The following ANKRD53 variants were observed in gnomAD, a reference collection of about 807,000 sequenced individuals.
The protein encoded by ANKRD53 is ankyrin repeat domain-containing protein 53.
A neutral mutation model predicts 30.1 loss-of-function variants in ANKRD53; 27 were observed. The observed-to-expected ratio is 0.90, with a 90% CI of 0.66 to 1.24. ANKRD53 has a LOEUF of 1.24. Ranked by LOEUF, ANKRD53 falls within the 50% of genes most tolerant of loss-of-function variation. The pLI, the probability that ANKRD53 is intolerant of heterozygous loss-of-function variation, is 0.00. For synonymous variants in ANKRD53, 286 were observed against 295.4 expected (o/e 0.97, Z 0.33); for missense variants, 682 against 721.0 (o/e 0.95, Z 0.62).
Position 70,979,154 on chromosome 2 carries a change from G to T in ANKRD53, c.228G>T (p.Arg76Ser), listed in dbSNP as rs1366247408. 115 of 1,610,234 alleles carry T rather than the reference G, an allele frequency of 7.1e-5. No homozygotes were observed. Among genetic ancestry groups the T allele is most frequent in the Non-Finnish European group, 8.9e-5 (105 of 1,178,998 alleles). Residue 76 changes from arginine to serine, a missense_variant, in exon 2 of 6, where the codon AGG becomes AGT. Arg to Ser is a moderately radical substitution (Grantham distance 110). Transcript: ENST00000360589. ...GTGCGCAGGCGACTGCCCTCGCCAG[G>T]CCGCGCCGCCCTGCCTCGCTCACCC... ...HLSAQATALA[R>S]PRRPASLTPP...
rs542795003 is a variant in ANKRD53, at chr2:70,985,051, G to A, written c.1344G>A (p.Pro448=). 6.7e-4 allele frequency: 1,040 copies of A among 1,549,982 alleles called. 15 individuals are homozygous for A. The South Asian group carries it at 0.011, about 17-fold the overall frequency. ...ACGGCCACTGGGTGGCGCCCGTGCCGCGGCTGCCTTTTGAGGTGCTGCTGC... is the reference window on the plus strand; with the variant it reads ...ACGGCCACTGGGTGGCGCCCGTGCCACGGCTGCCTTTTGAGGTGCTGCTGC... ...TVDGHWVAPV[P]RLPFEVLLRM... Residue 448 remains proline (P), a synonymous_variant, in exon 6 of 6, where the codon CCG becomes CCA. Transcript: ENST00000360589.
rs1553424304 is a variant in ANKRD53 at position 70,984,619 on chromosome 2, C to T, written c.912C>T (p.His304=). The change falls in exon 6 of 6, where the codon CAC becomes CAT. Residue 304 remains histidine, a synonymous_variant. Transcript: ENST00000360589. ...HNYLIEYQKE[H]KILREAAIRK... is the part of the protein sequence containing the mutation. ...GCCCTCTGTTGTTGCAGAAAGAGCA[C>T]AAAATTCTCAGAGAAGCTGCTATCA... 1.2e-6 allele frequency: 2 copies of T among 1,613,934 alleles called. No homozygotes were observed. The highest frequency in any genetic ancestry group is 1.1e-5 in the South Asian group (1 of 91,088).
chr2:70,983,671 AT>A (rs1670078703), intron 5 of ANKRD53, among the ~76,000 whole-genome samples: 1 of 152,126 alleles, frequency 6.6e-6, no homozygotes, highest in Non-Finnish European at 1.5e-5. Flanking sequence ...GGCAAGGCCC[AT>A]CTGTTTCCTG....
At position 70,985,173 on chromosome 2, in the gene ANKRD53, G is replaced by A. The variant is rs781952405; in HGVS notation, c.1466G>A (p.Gly489Asp). ...GAAGTGCCCAGGAAGCGGCACCTGG[G>A]TGACAACACCTTCTGGACCGACACT... ...MREVPRKRHL[G>D]DNTFWTDTLA... The change falls in exon 6 of 6, where the codon GGT becomes GAT. Residue 489 changes from glycine to aspartate, a missense_variant. Physicochemically the swap from Gly to Asp is moderately conservative, Grantham distance 94. Transcript: ENST00000360589. The A allele has an allele frequency of 1.3e-6, 2 of 1,551,278 alleles. No homozygotes were observed. The highest frequency in any genetic ancestry group is 3.9e-5 in the Admixed American group (2 of 50,974).
At chr2:70,979,415 G>A in intron 2 of ANKRD53, 72 bp downstream of exon 2, 1 of 1,595,766 alleles carries the variant, frequency 6.3e-7, no homozygotes, top group Non-Finnish European at 8.6e-7. Flanking sequence ...GTCACCTGGA[G>A]AAGAGATATC....
chr2:70,979,850 G>C lies in ANKRD53; in HGVS notation c.607G>C (p.Asp203His). ...CTACTACCTGCTGGAGAAAGGCGCAGACCTCAATGCGTGAGTCCAGCCTGC... is the reference window on the plus strand; with the variant it reads ...CTACTACCTGCTGGAGAAAGGCGCACACCTCAATGCGTGAGTCCAGCCTGC... Reference protein sequence around the residue: ...CIYYLLEKGADLNAQTCNGST... With the variant: ...CIYYLLEKGAHLNAQTCNGST... Residue 203 changes from aspartate to histidine, a missense_variant, in exon 3 of 6, where the codon GAC becomes CAC. Coordinates refer to ENST00000360589, the MANE Select transcript of ANKRD53 (RefSeq NM_001115116.2). 1 of 1,614,206 alleles carries C rather than the reference G, an allele frequency of 6.2e-7. No individual in the cohort carries two copies. Among genetic ancestry groups the C allele is most frequent in the South Asian group, 1.1e-5 (1 of 91,084 alleles).
At chr2:70,980,728 G>T (rs551272578) in intron 3 of ANKRD53, among the ~76,000 whole-genome samples, 1 of 152,134 alleles carries the variant, frequency 6.6e-6, no homozygotes, top group East Asian at 1.9e-4. Flanking sequence ...AGCGGATCAC[G>T]AGGTCAGGAG....
intron 5 of ANKRD53, chr2:70,984,362 G>C: frequency 6.3e-7 from 1 of 1,591,544 alleles, no homozygotes; most frequent in Non-Finnish European, 8.5e-7. Flanking sequence ...CCCCCTTTGG[G>C]AGAGGTGCTT....
rs965677319 is a variant in ANKRD53, at chr2:70,985,498, C to G, written c.*198C>G. On this transcript the variant is annotated 3_prime_UTR_variant, in exon 6 of 6. Transcript: ENST00000360589. ...GCAAATAAATCTCTTGGCACCCCCC[C>G]ACCGCCGCCAGGAAATCCAAGTTAG... The G allele has an allele frequency of 3.4e-6, 2 of 584,772 alleles. No homozygotes were observed. Among genetic ancestry groups the G allele is most frequent in the Non-Finnish European group, 6.0e-6 (2 of 335,430 alleles). 36.2% of individuals were successfully genotyped at this position (584,772 alleles called of 1,614,324 possible).
chr2:70,978,485 C>T (rs1398394757), upstream of ANKRD53: 10 of 812,654 alleles, frequency 1.2e-5, no homozygotes, highest in Admixed American at 1.3e-4. This position sits in a 1 kb window ranked among gnomAD's most constrained non-coding sequence, Gnocchi z 4.3. Context: ...TCCCCGGAGG[C>T]CCCCGGGCTC....
At position 70,982,168 on chromosome 2, in the gene ANKRD53, C is replaced by T; in HGVS notation, c.782+68C>T. 2.0e-6 allele frequency: 3 copies of T among 1,510,024 alleles called. No individual in the cohort carries two copies. Among genetic ancestry groups the T allele is most frequent in the Non-Finnish European group, 2.7e-6 (3 of 1,122,782 alleles). 93.5% of individuals were successfully genotyped at this position (1,510,024 alleles called of 1,614,324 possible). A position where few individuals can be genotyped will look rare whatever the true frequency, so the allele number is the denominator to read the frequency against. ...CCTCCCCCAGCCTTTTCCCTAGGGC[C>T]CTCACCACAGCTGAGCCTTTAAGGG... On this transcript the variant is annotated intron_variant, in intron 4 of 5. Coordinates refer to ENST00000360589, the MANE Select transcript of ANKRD53 (RefSeq NM_001115116.2). The surrounding 1 kb of genome is among the most constrained non-coding windows in gnomAD (Gnocchi z 4.2).
chr2:70,981,606 C>A (rs1039055037), intron 3 of ANKRD53, among the ~76,000 whole-genome samples: 2 of 152,130 alleles, frequency 1.3e-5, no homozygotes, highest in African/African-American at 4.8e-5. Context: ...TGTGGGCATA[C>A]GGAATCTGGT....
chr2:70,984,158 T>C (rs1352545969), intron 5 of ANKRD53: 2 of 1,614,216 alleles, frequency 1.2e-6, no homozygotes, highest in African/African-American at 2.7e-5. Context: ...CATTTGCCTT[T>C]TCCCCCATCA....
In ANKRD53 at chr2:70,979,557, A is replaced by T. The variant is rs1669938288; in HGVS notation, c.418-104A>T. ...CAAAAGGGTGTGAGCATTCCTGGGG[A>T]CACAGGGAAGAAAGTGAAGGTAACC... On this transcript the variant is annotated intron_variant, in intron 2 of 5. Transcript: ENST00000360589. The T allele has an allele frequency of 3.5e-6, 5 of 1,418,036 alleles. No homozygotes were observed. In the Middle Eastern group the frequency reaches 6.1e-4, roughly 173 times the overall value. The allele number at this position is 1,418,036 out of a possible 1,614,324, so 87.8% of individuals were successfully genotyped here.
In ANKRD53 at chr2:70,982,392, C is replaced by T. The variant is rs921883309; in HGVS notation, c.783-185C>T. ...TGGTGACCAGGTCATCAAGGACTTT[C>T]GTCTTTCACCTAAAGGAAGTAGGGA... On this transcript the variant is annotated intron_variant, in intron 4 of 5. Coordinates refer to ENST00000360589, the MANE Select transcript of ANKRD53 (RefSeq NM_001115116.2). This position sits in a 1 kb window ranked among gnomAD's most constrained non-coding sequence, Gnocchi z 4.2. 3.6e-5 allele frequency: 31 copies of T among 871,538 alleles called. No individual in the cohort carries two copies. The highest frequency in any genetic ancestry group is 5.9e-5 in the Admixed American group (2 of 33,940). The allele number at this position is 871,538 out of a possible 1,614,324, so 54.0% of individuals were successfully genotyped here.
rs2104847241 is a variant in ANKRD53, at chr2:70,978,770, T to C, written c.125T>C (p.Val42Ala). 6.4e-7 allele frequency: 1 copy of C among 1,571,032 alleles called. No homozygotes were observed. Among genetic ancestry groups the C allele is most frequent in the Non-Finnish European group, 8.6e-7 (1 of 1,158,988 alleles). Residue 42 changes from valine (V) to alanine (A), a missense_variant, in exon 1 of 6, where the codon GTC (valine) becomes GCC (alanine). Transcript: ENST00000360589. The surrounding 1 kb of genome is among the most constrained non-coding windows in gnomAD (Gnocchi z 4.3). ...GGCTCCATGCAGCAGGCGAACAAAG[T>C]CTCCTTGAAGGCCACCTGGACTGAC... Reference protein sequence around the residue: ...PSGSMQQANKVSLKATWTDAE... With the variant: ...PSGSMQQANKASLKATWTDAE...
rs142120790 is a variant in ANKRD53 at position 70,979,545 on chromosome 2, G to A, written c.418-116G>A. On this transcript the variant is annotated intron_variant, in intron 2 of 5. Transcript: ENST00000360589. Reference sequence around the variant, plus strand: ...CTGGTTAATTAGCAAAAGGGTGTGAGCATTCCTGGGGACACAGGGAAGAAA... The same window carrying A: ...CTGGTTAATTAGCAAAAGGGTGTGAACATTCCTGGGGACACAGGGAAGAAA... 2,147 of 1,394,888 alleles carry A rather than the reference G, an allele frequency of 1.5e-3. 7 individuals carry two copies. Among genetic ancestry groups the A allele is most frequent in the Middle Eastern group, 7.2e-3 (34 of 4,734 alleles). 86.4% of individuals were successfully genotyped at this position (1,394,888 alleles called of 1,614,324 possible). A position where few individuals can be genotyped will look rare whatever the true frequency, so the allele number is the denominator to read the frequency against.
chr2:70,978,456 G>A (rs1322555467), upstream of ANKRD53: 14 of 575,360 alleles, frequency 2.4e-5, no homozygotes, highest in Admixed American at 8.6e-5. This position sits in a 1 kb window ranked among gnomAD's most constrained non-coding sequence, Gnocchi z 4.3. Flanking sequence ...GGCGGGTGGG[G>A]AGCGGCAGGC....
At position 70,984,898 on chromosome 2, in the gene ANKRD53, C is replaced by T; in HGVS notation, c.1191C>T (p.Thr397=). 1 of 1,550,936 alleles carries T rather than the reference C, an allele frequency of 6.4e-7. No homozygotes were observed. The highest frequency in any genetic ancestry group is 1.2e-5 in the South Asian group (1 of 84,070). Residue 397 remains threonine (T), a synonymous_variant, in exon 6 of 6, where the codon ACC becomes ACT. Transcript: ENST00000360589. ...GCAACAACCCCGCCAGACCCCCCAC[C>T]ACCCAGATCAGCCACTCGCAGGGCA... The part of the protein sequence containing the change: ...NVSNNPARPP[T]TQISHSQGIR...
Sources: gnomAD v4.1 joint callset for allele counts (sites outside exome capture counted in the v4.1 genomes callset) on GRCh38, gnomAD v4.1.1 for gene constraint, Gnocchi (gnomAD v3.1) non-coding constraint, MANE v1.5 for transcripts, NCBI Gene and HGNC (gene_info 2026-07-23, HGNC 2026-07-21) for gene names.